Variants in TSFM observed in about 807,000 individuals in gnomAD.
The protein encoded by TSFM is Ts translation elongation factor, mitochondrial.
TSFM carries 29 observed loss-of-function variants against 33.4 expected under a neutral mutation model. That is an observed-to-expected ratio of 0.87 (90% confidence interval 0.65 to 1.18). TSFM has a LOEUF of 1.18. Among genes scored for constraint, TSFM ranks in the 50% most tolerant of loss-of-function variants. TSFM has a pLI of 0.00. For synonymous variants in TSFM, 178 were observed against 163.5 expected, an observed-to-expected ratio of 1.09 and a Z score of -0.68; for missense variants, 394 against 395.6, an observed-to-expected ratio of 1.00 and a Z score of 0.04.
chr12:57,802,308 T>G, downstream of TSFM: 1 of 1,613,856 alleles, frequency 6.2e-7, no homozygotes, highest in South Asian at 1.1e-5. Flanking sequence ...GGCACTCTCC[T>G]TCTCCGTGGC....
chr12:57,794,954 T>C (rs1485527296), intron 5 of TSFM, among the ~76,000 whole-genome samples: 1 of 151,430 alleles, frequency 6.6e-6, no homozygotes, highest in Non-Finnish European at 1.5e-5. Context: ...AGAGACGGGG[T>C]TTCACCGTGT....
At chr12:57,793,354 C>T (rs1056494192) in intron 5 of TSFM, among the ~76,000 whole-genome samples, 6 of 152,076 alleles carry the variant, frequency 3.9e-5, no homozygotes, top group Admixed American at 6.6e-5. Flanking sequence ...TCCCGAGTAG[C>T]TGGGACTACA....
chr12:57,788,087 C>T (rs974584173), intron 4 of TSFM, among the ~76,000 whole-genome samples: 13 of 152,170 alleles, frequency 8.5e-5, no homozygotes, highest in African/African-American at 2.9e-4. Flanking sequence ...AGTTTATTAC[C>T]AACTTTTTTT....
chr12:57,800,037 C>T (rs575506909), downstream of TSFM: 323 of 1,338,086 alleles, frequency 2.4e-4, 3 homozygotes, highest in South Asian at 4.3e-3. Context: ...CCTCTGTAAT[C>T]ATCTTTGATA....
chr12:57,799,986 A>G, downstream of TSFM: 1 of 1,581,864 alleles, frequency 6.3e-7, no homozygotes, highest in Non-Finnish European at 8.6e-7. Flanking sequence ...TACAGTTCTG[A>G]ATGTGTATAA....
chr12:57,785,915 C>T (rs779778567), intron 2 of TSFM, among the ~76,000 whole-genome samples: 3 of 152,066 alleles, frequency 2.0e-5, no homozygotes, highest in Admixed American at 1.3e-4. Flanking sequence ...TTATGTGGTG[C>T]GTAACTGTAT....
downstream of TSFM, chr12:57,802,557 C>G: frequency 1.3e-6 from 1 of 741,072 alleles, no homozygotes. Context: ...TCTTCCAGGT[C>G]TGCCTTTCCA....
Position 57,783,117 on chromosome 12 carries a change from C to T in TSFM, c.65C>T (p.Ser22Phe), listed in dbSNP as rs1310073949. The change falls in exon 2 of 6, where the codon TCT (serine) becomes TTT (phenylalanine). Residue 22 changes from serine to phenylalanine, a missense_variant. Around this residue, in one of 3 missense-constraint regions of TSFM, gnomAD observed 208 missense variants for 180.4 expected, o/e 1.15. Transcript: ENST00000652027. ...CTTTCTTATCTCATCTAGGCTGGGT[C>T]TCTTCTGCGTCAGTCGCCCCAGCCA... is the stretch of plus-strand genomic sequence containing the variant. ...VARTGSYPAG[S>F]LLRQSPQPRH... The T allele has an allele frequency of 1.2e-6, 2 of 1,609,652 alleles. No individual in the cohort carries two copies. The highest frequency in any genetic ancestry group is 1.7e-6 in the Non-Finnish European group (2 of 1,179,410).
chr12:57,782,868 C>A lies in TSFM; in HGVS notation c.57+10C>A. On this transcript the variant is annotated intron_variant, in intron 1 of 5. Coordinates refer to ENST00000652027, the MANE Select transcript of TSFM (RefSeq NM_005726.6). ...GACCGGGAGCTACCCGGTGAGAAGT[C>A]CTGGTGCTGGTACCGACCTGCTGTC... 1 of 1,590,334 alleles carries A rather than the reference C, an allele frequency of 6.3e-7. No homozygotes were observed. Among genetic ancestry groups the A allele is most frequent in the Non-Finnish European group, 8.6e-7 (1 of 1,169,132 alleles).
intron 2 of TSFM, chr12:57,783,596 C>CTTTT: frequency 8.1e-6 from 4 of 494,898 alleles, no homozygotes; most frequent in South Asian, 1.6e-5. Context: ...TGACTTTAGA[C>CTTTT]TTTTTTTTTT....
At chr12:57,797,867 A>G (rs1955767104), downstream of TSFM, 1 of 1,596,580 alleles carries the variant, frequency 6.3e-7, no homozygotes, top group African/African-American at 1.3e-5. Flanking sequence ...TGCAATAGGT[A>G]TAGGCCTTCT....
intron 2 of TSFM, among the ~76,000 whole-genome samples, chr12:57,784,682 T>C (rs1293626958): frequency 6.6e-6 from 1 of 151,890 alleles, no homozygotes; most frequent in African/African-American, 2.4e-5. Flanking sequence ...AGTTCGAGAC[T>C]AGCCTGACCC....
In TSFM at chr12:57,783,006, C is replaced by T. The variant is rs1955533419; in HGVS notation, c.58-104C>T. ...CCCAGTCCAGCCCCGGTGCACCCCC[C>T]TTTGCACACTGTCCGCTCCCTAAGG... On this transcript the variant is annotated intron_variant, in intron 1 of 5. Transcript: ENST00000652027. 4.0e-6 allele frequency: 6 copies of T among 1,493,982 alleles called. No homozygotes were observed. In the Admixed American group the frequency reaches 1.0e-4, roughly 25 times the overall value. The allele number at this position is 1,493,982 out of a possible 1,614,324, so 92.5% of individuals were successfully genotyped here.
At chr12:57,798,241 G>A (rs1473739814), downstream of TSFM, among the ~76,000 whole-genome samples, 3 of 152,200 alleles carry the variant, frequency 2.0e-5, no homozygotes, top group South Asian at 2.1e-4. Context: ...GCCAGCAAGC[G>A]CCAGTTTCTT....
intron 1 of TSFM, 22 bp downstream of exon 1, chr12:57,782,880 A>G: frequency 6.3e-7 from 1 of 1,583,508 alleles, no homozygotes. Flanking sequence ...TGGTGCTGGT[A>G]CCGACCTGCT....
chr12:57,798,364 C>T (rs1424524683), downstream of TSFM, among the ~76,000 whole-genome samples: 4 of 152,174 alleles, frequency 2.6e-5, no homozygotes, highest in Admixed American at 2.6e-4. Context: ...CCCGTAACTA[C>T]CATTTTTACC....
At chr12:57,792,906 A>C in intron 4 of TSFM, 80 bp from the exon 5 acceptor site, 1 of 1,416,586 alleles carries the variant, frequency 7.1e-7, no homozygotes, top group Non-Finnish European at 9.9e-7. Flanking sequence ...CTTTTCTTAG[A>C]GATAGACTAT....
At chr12:57,783,022 C>T in intron 1 of TSFM, 88 bp from the exon 2 acceptor site, 1 of 1,519,792 alleles carries the variant, frequency 6.6e-7, no homozygotes, top group Non-Finnish European at 8.9e-7. Context: ...ACACTGTCCG[C>T]TCCCTAAGGT....
downstream of TSFM, chr12:57,800,239 T>C (rs1955819497): frequency 4.5e-6 from 1 of 222,344 alleles, no homozygotes; most frequent in African/African-American, 2.3e-5. Flanking sequence ...TACTTTTATT[T>C]AGCCCTGCAT....
Sources: gnomAD v4.1 joint callset for allele counts (sites outside exome capture counted in the v4.1 genomes callset) on GRCh38, gnomAD v4.1.1 for gene constraint, gnomAD v4.1.1 regional missense constraint, MANE v1.5 for transcripts, NCBI Gene and HGNC (gene_info 2026-07-23, HGNC 2026-07-21) for gene names.